Variants in FAM135B observed in about 807,000 individuals in gnomAD.
The protein encoded by FAM135B is family with sequence similarity 135 member B, also known as protein FAM135B.
FAM135B carries 43 observed loss-of-function variants against 127.7 expected under a neutral mutation model. The ratio of observed to expected loss-of-function variants is 0.34; its 90% confidence interval spans 0.26 to 0.43. The LOEUF (loss-of-function observed/expected upper bound fraction) is 0.43. FAM135B is among the 20% of genes least tolerant of loss of function. The probability of loss-of-function intolerance (pLI) is 1.00; values close to 1 mark genes in which losing one functional copy is unlikely to be tolerated. For missense variants in FAM135B, 1,558 were observed against 1,725.6 expected (o/e 0.90, Z 1.72); for synonymous variants, 670 against 665.1 (o/e 1.01, Z -0.11).
At chr8:138,301,635 C>A (rs1224040882) in intron 3 of FAM135B, among the ~76,000 whole-genome samples, 1 of 152,178 alleles carries the variant, frequency 6.6e-6, no homozygotes, top group African/African-American at 2.4e-5. Context: ...TGCTAGGCAC[C>A]AGCCAGCCAG....
At chr8:138,268,008 G>A (rs1436977184) in intron 3 of FAM135B, among the ~76,000 whole-genome samples, 1 of 152,180 alleles carries the variant, frequency 6.6e-6, no homozygotes, top group Admixed American at 6.6e-5. Context: ...GGGTGGATGG[G>A]GTGAATACCC....
At chr8:138,383,249 A>T (rs1831974328) in intron 1 of FAM135B, among the ~76,000 whole-genome samples, 1 of 152,186 alleles carries the variant, frequency 6.6e-6, no homozygotes, top group Admixed American at 6.5e-5. Context: ...TTCAACTGAG[A>T]GTCTTTAAAG....
chr8:138,403,979 A>G (rs1287331725), intron 1 of FAM135B, among the ~76,000 whole-genome samples: 2 of 152,198 alleles, frequency 1.3e-5, no homozygotes, highest in Non-Finnish European at 2.9e-5. Context: ...CTTGCACAAC[A>G]ATAGTATTAA....
intron 11 of FAM135B, among the ~76,000 whole-genome samples, chr8:138,177,031 C>T (rs1242882733): frequency 6.6e-6 from 1 of 152,232 alleles, no homozygotes; most frequent in African/African-American, 2.4e-5. Context: ...TTTGAGGCCA[C>T]ACCACCTGCT....
chr8:138,382,317 C>G (rs912266917), intron 1 of FAM135B, among the ~76,000 whole-genome samples: 1 of 152,180 alleles, frequency 6.6e-6, no homozygotes, highest in Non-Finnish European at 1.5e-5. Flanking sequence ...AATCCGTCTT[C>G]CCTGTGCTCT....
intron 1 of FAM135B, among the ~76,000 whole-genome samples, chr8:138,428,919 GC>G (rs1420754930): frequency 9.9e-5 from 15 of 152,102 alleles, no homozygotes. Context: ...TCCACAAACT[GC>G]CCCCAAGGGC....
At chr8:138,136,273 A>G (rs1816655694) in intron 19 of FAM135B, among the ~76,000 whole-genome samples, 1 of 152,148 alleles carries the variant, frequency 6.6e-6, no homozygotes, top group Non-Finnish European at 1.5e-5. Context: ...ATTTTTTGAT[A>G]GTACCTTAAA....
chr8:138,403,328 G>A (rs990536802), intron 1 of FAM135B, among the ~76,000 whole-genome samples: 9 of 151,930 alleles, frequency 5.9e-5, no homozygotes, highest in African/African-American at 2.2e-4. Flanking sequence ...GAGAGAACCA[G>A]CCCTGCAGGT....
chr8:138,406,199 T>A (rs1833478015), intron 1 of FAM135B, among the ~76,000 whole-genome samples: 1 of 152,018 alleles, frequency 6.6e-6, no homozygotes, highest in Non-Finnish European at 1.5e-5. Context: ...TCTTTTGCTG[T>A]GCAGAAGCTC....
intron 1 of FAM135B, among the ~76,000 whole-genome samples, chr8:138,419,262 A>T (rs1338564709): frequency 6.6e-6 from 1 of 152,186 alleles, no homozygotes; most frequent in African/African-American, 2.4e-5. Context: ...ATGACAAAGA[A>T]TGGTGTTACA....
chr8:138,306,566 C>T (rs1463168010), intron 3 of FAM135B, among the ~76,000 whole-genome samples: 1 of 149,546 alleles, frequency 6.7e-6, no homozygotes, highest in African/African-American at 2.5e-5. Flanking sequence ...TACAAAAAGC[C>T]TGTCACAGTG....
At chr8:138,134,865 A>G (rs780384474) in intron 19 of FAM135B, among the ~76,000 whole-genome samples, 1 of 152,186 alleles carries the variant, frequency 6.6e-6, no homozygotes, top group Non-Finnish European at 1.5e-5. Flanking sequence ...AGATTAATCA[A>G]TTTAAGTCAT....
Position 138,299,108 on chromosome 8 carries a change from T to TA in FAM135B, c.157+11732dup, listed in dbSNP as rs869147679. ...ATAAATAAATAAATAAATAAATAAA[T>TA]AAAATAAAAATAAAAAATAAAAAAA... On this transcript the variant is annotated intron_variant, in intron 3 of 19. Coordinates refer to ENST00000395297, the MANE Select transcript of FAM135B (RefSeq NM_015912.4). Among the ~76,000 whole-genome samples the TA allele has an allele frequency of 2.1e-5, 3 of 139,752 alleles. No individual in the cohort carries two copies. In the South Asian group the frequency reaches 6.9e-4, roughly 32 times the overall value. The allele number at this position is 139,752 out of a possible 152,430, so 91.7% of individuals were successfully genotyped here. A position where few individuals can be genotyped will look rare whatever the true frequency, so the allele number is the denominator to read the frequency against.
At chr8:138,134,110 A>G (rs1308037394) in intron 19 of FAM135B, among the ~76,000 whole-genome samples, 1 of 152,172 alleles carries the variant, frequency 6.6e-6, no homozygotes, top group Non-Finnish European at 1.5e-5. Context: ...TATGTATGAA[A>G]TAGTCCTTCC....
intron 9 of FAM135B, among the ~76,000 whole-genome samples, chr8:138,193,289 G>C (rs1181919214): frequency 6.6e-6 from 1 of 152,228 alleles, no homozygotes; most frequent in Non-Finnish European, 1.5e-5. Context: ...CAAGCACTTA[G>C]AACTGTGCCA....
intron 4 of FAM135B, among the ~76,000 whole-genome samples, chr8:138,264,139 C>T (rs1400280330): frequency 1.3e-5 from 2 of 152,302 alleles, no homozygotes; most frequent in South Asian, 4.1e-4. Context: ...CCACCTCAGG[C>T]TCTTTGTCCT....
chr8:138,166,197 A>G (rs1013723637), intron 12 of FAM135B, among the ~76,000 whole-genome samples: 2 of 152,194 alleles, frequency 1.3e-5, no homozygotes, highest in African/African-American at 4.8e-5. Context: ...GATTAAAGAG[A>G]TAAAACACCC....
intron 12 of FAM135B, among the ~76,000 whole-genome samples, chr8:138,154,302 G>A (rs1356127712): frequency 6.6e-6 from 1 of 151,984 alleles, no homozygotes; most frequent in Non-Finnish European, 1.5e-5. Flanking sequence ...CATCATCAAA[G>A]ACCAAAGGTA....
rs1240801944 is a variant in FAM135B, at chr8:138,242,019, A to G, written c.669+923T>C. Among the ~76,000 whole-genome samples, 1 of 152,098 alleles carries G rather than the reference A, an allele frequency of 6.6e-6. No homozygotes were observed. The highest frequency in any genetic ancestry group is 1.9e-4 in the East Asian group (1 of 5,176). On this transcript the variant is annotated intron_variant, in intron 7 of 19. Coordinates refer to ENST00000395297, the MANE Select transcript of FAM135B (RefSeq NM_015912.4). The surrounding 1 kb of genome is among the most constrained non-coding windows in gnomAD (Gnocchi z 9.6). ...GACTTAGACTTGCAAGGGGCCTTAT[A>G]ACACTAGCTTTCCTGGTTCTGAGGC...
Sources: gnomAD v4.1 joint callset for allele counts (sites outside exome capture counted in the v4.1 genomes callset) on GRCh38, gnomAD v4.1.1 for gene constraint, Gnocchi (gnomAD v3.1) non-coding constraint, MANE v1.5 for transcripts, NCBI Gene and HGNC (gene_info 2026-07-23, HGNC 2026-07-21) for gene names.